PI4KA: variants seen among roughly 807,000 people sequenced by gnomAD.
PI4KA encodes phosphatidylinositol 4-kinase alpha, also known as PI4-kinase alpha.
PI4KA carries 122 observed loss-of-function variants against 271.4 expected under a neutral mutation model. The observed-to-expected ratio is 0.45, with a 90% CI of 0.39 to 0.52. The LOEUF is 0.52. Ranked by LOEUF, PI4KA falls within the 20% of genes least tolerant of loss-of-function variation. The pLI, the probability that PI4KA is intolerant of heterozygous loss-of-function variation, is 0.00. For missense variants in PI4KA, 1,969 were observed against 2,769.1 expected (o/e 0.71, Z 6.48); for synonymous variants, 1,041 against 1,078.8 (o/e 0.96, Z 0.69).
At chr22:20,720,500 C>T (rs539206036) in intron 43 of PI4KA, among the ~76,000 whole-genome samples, 2 of 152,112 alleles carry the variant, frequency 1.3e-5, no homozygotes, top group South Asian at 4.1e-4. Flanking sequence ...TGCAGTGAGC[C>T]GTGATTGCGC....
In PI4KA at chr22:20,815,357, G is replaced by A. The variant is rs951727294; in HGVS notation, c.857-1851C>T. Among the ~76,000 whole-genome samples the A allele has an allele frequency of 7.6e-5, 11 of 143,792 alleles. No individual in the cohort carries two copies. The South Asian group carries it at 2.4e-3, about 32-fold the overall frequency. The allele number at this position is 143,792 out of a possible 152,430, so 94.3% of individuals were successfully genotyped here. On this transcript the variant is annotated intron_variant, in intron 7 of 54. Transcript: ENST00000255882. ...GATTGCACCACTGCACTCCATTCTGGTGACAGTAGGAGACTGCGTCTCAAA... is the reference window on the plus strand; with the variant it reads ...GATTGCACCACTGCACTCCATTCTGATGACAGTAGGAGACTGCGTCTCAAA...
At chr22:20,831,093 G>A (rs165893) in intron 3 of PI4KA, among the ~76,000 whole-genome samples, 74,036 of 151,902 alleles carry the variant, frequency 0.49, 18,560 homozygotes, top group African/African-American at 0.59. Context: ...TTTCTGTAGT[G>A]GTTGGTAATA....
intron 40 of PI4KA, 38 bp from the exon 41 acceptor site, chr22:20,727,435 T>G (rs1927492252): frequency 1.3e-6 from 2 of 1,539,434 alleles, no homozygotes; most frequent in Admixed American, 4.3e-5. Context: ...GCTTGGGCAG[T>G]CCCGGGACCT....
intron 54 of PI4KA, among the ~76,000 whole-genome samples, chr22:20,709,090 G>A (rs1381978908): frequency 1.3e-5 from 2 of 151,190 alleles, no homozygotes; most frequent in African/African-American, 2.4e-5. Context: ...GGTGGGCCCG[G>A]CCTCTGCCAA....
chr22:20,801,942 C>T, intron 14 of PI4KA, 31 bp downstream of exon 14: 2 of 1,611,782 alleles, frequency 1.2e-6, no homozygotes, highest in East Asian at 2.2e-5. Context: ...TGGAGCACTG[C>T]TGTCTACTCG....
Position 20,753,126 on chromosome 22 carries a change from T to C in PI4KA, c.2846A>G (p.Asn949Ser), listed in dbSNP as rs139012517. ...VADKVFDAFLNMMADKAKTKE... is the reference protein window; with the variant it reads ...VADKVFDAFLSMMADKAKTKE... ...GAGGCTTACTTTATCCGCCATCATG[T>C]TCAGGAAGGCATCGAATACTTTGTC... is the stretch of plus-strand genomic sequence containing the variant. The change falls in exon 24 of 55, where the codon AAC becomes AGC. Residue 949 changes from asparagine to serine, a missense_variant. Coordinates refer to ENST00000255882, the MANE Select transcript of PI4KA (RefSeq NM_058004.4). The C allele has an allele frequency of 2.0e-5, 33 of 1,614,042 alleles. No homozygotes were observed. The African/African-American group carries it at 4.1e-4, about 20-fold the overall frequency.
intron 3 of PI4KA, among the ~76,000 whole-genome samples, chr22:20,830,957 G>A (rs1047585466): frequency 3.9e-5 from 6 of 152,176 alleles, no homozygotes; most frequent in African/African-American, 1.2e-4. Flanking sequence ...CTTTTTAGTG[G>A]AAACGGGGTT....
chr22:20,750,794 G>T (rs1009990217), intron 27 of PI4KA, among the ~76,000 whole-genome samples: 2 of 152,208 alleles, frequency 1.3e-5, no homozygotes, highest in Non-Finnish European at 2.9e-5. Context: ...CACAGTGAGG[G>T]CTCTGAGACC....
At chr22:20,771,770 C>T (rs1288915883) in intron 19 of PI4KA, among the ~76,000 whole-genome samples, 6 of 151,824 alleles carry the variant, frequency 4.0e-5, no homozygotes, top group Non-Finnish European at 5.9e-5. Flanking sequence ...TTAGTAGGGA[C>T]GGGGTTTTAC....
Position 20,729,449 on chromosome 22 carries a change from C to T in PI4KA, c.4546G>A (p.Glu1516Lys). Reference protein sequence around the residue: ...WYNPLSAPELELDQAGENSVA... With the variant: ...WYNPLSAPELKLDQAGENSVA... ...CTGTTCTCTCCGGCCTGGTCTAGTT[C>T]CAGTTCCGGGGCTGACAGCGGGTTG... Residue 1516 changes from glutamate (E) to lysine (K), a missense_variant, in exon 39 of 55, where the codon GAA becomes AAA. Glu to Lys is a moderately conservative substitution (Grantham distance 56, BLOSUM62 1). This residue lies in a region of PI4KA where 388 missense variants were observed against 521.5 expected (regional missense o/e 0.74). Transcript: ENST00000255882. The T allele has an allele frequency of 1.2e-6, 2 of 1,611,822 alleles. No individual in the cohort carries two copies. Among genetic ancestry groups the T allele is most frequent in the Non-Finnish European group, 1.7e-6 (2 of 1,178,868 alleles).
rs200593025 is a variant in PI4KA at position 20,720,574 on chromosome 22, C to T, written c.5116+724G>A. The stretch of plus-strand genomic sequence containing the variant: ...AAAAATAAAACAAAAGCTACCACTT[C>T]TCAAGTGTGGTGCAGTATCAAAAAG... On this transcript the variant is annotated intron_variant, in intron 43 of 54. Transcript: ENST00000255882. Among the ~76,000 whole-genome samples the T allele has an allele frequency of 1.8e-4, 28 of 152,300 alleles. No individual in the cohort carries two copies. The East Asian group carries it at 3.7e-3, about 20-fold the overall frequency.
chr22:20,773,809 G>A (rs1334327186), intron 19 of PI4KA: 1 of 152,420 alleles, frequency 6.6e-6, no homozygotes, highest in African/African-American at 2.4e-5. Flanking sequence ...ATGCAGCCTG[G>A]TCCCCAGAGG....
chr22:20,816,426 G>A (rs1470796730), intron 7 of PI4KA, among the ~76,000 whole-genome samples: 4 of 152,084 alleles, frequency 2.6e-5, no homozygotes, highest in Non-Finnish European at 5.9e-5. Flanking sequence ...ACATCTCCTG[G>A]CCTAAAAACA....
Position 20,747,488 on chromosome 22 carries a change from C to T in PI4KA, c.3363+95G>A, listed in dbSNP as rs537803357. 6.5e-5 allele frequency: 86 copies of T among 1,323,526 alleles called. No homozygotes were observed. The Middle Eastern group carries it at 7.5e-4, about 11-fold the overall frequency. 82.0% of individuals were successfully genotyped at this position (1,323,526 alleles called of 1,614,324 possible). On this transcript the variant is annotated intron_variant, in intron 29 of 54. Coordinates refer to ENST00000255882, the MANE Select transcript of PI4KA (RefSeq NM_058004.4). ...ACAGCACCCTGCATGTACTCATGTG[C>T]GTCATGAAAAGCGACAGCCGAGCTC...
chr22:20,856,780 G>A (rs1233368313), intron 1 of PI4KA, among the ~76,000 whole-genome samples: 1 of 152,202 alleles, frequency 6.6e-6, no homozygotes, highest in Non-Finnish European at 1.5e-5. Flanking sequence ...ACAAAGCTAA[G>A]AATGTTGCAA....
intron 32 of PI4KA, among the ~76,000 whole-genome samples, chr22:20,735,805 T>G (rs1275817094): frequency 6.6e-6 from 1 of 152,184 alleles, no homozygotes; most frequent in African/African-American, 2.4e-5. Context: ...GACGAGGCAC[T>G]AGAGCCTGCT....
At chr22:20,809,944 C>T (rs1414725171) in intron 9 of PI4KA, among the ~76,000 whole-genome samples, 1 of 152,120 alleles carries the variant, frequency 6.6e-6, no homozygotes, top group Admixed American at 6.5e-5. Flanking sequence ...GTAGTTCCTT[C>T]CCTGCTTCAT....
chr22:20,793,466 T>G lies in PI4KA; in HGVS notation c.2278-223A>C. ...AATAAACCATGGTTACATAAATGAT[T>G]ACATAAATCATGGTACTTCTGCATA... On this transcript the variant is annotated intron_variant, in intron 18 of 54. Coordinates refer to ENST00000255882, the MANE Select transcript of PI4KA (RefSeq NM_058004.4). 3 of 472,534 alleles carry G rather than the reference T, an allele frequency of 6.3e-6. No homozygotes were observed. In the South Asian group the frequency reaches 8.9e-5, roughly 14 times the overall value. 29.3% of individuals were successfully genotyped at this position (472,534 alleles called of 1,614,324 possible).
chr22:20,813,516 G>C lies in PI4KA; in HGVS notation c.857-10C>G. ...TCGGGCAAGCAGGAGGCTGGTGGGA[G>C]ATAAAGCTGGAAACTCAGCCGTGGT... On this transcript the variant is annotated splice_polypyrimidine_tract_variant and intron_variant, in intron 7 of 54. Coordinates refer to ENST00000255882, the MANE Select transcript of PI4KA (RefSeq NM_058004.4). The C allele has an allele frequency of 6.2e-7, 1 of 1,613,074 alleles. No homozygotes were observed. The highest frequency in any genetic ancestry group is 1.1e-5 in the South Asian group (1 of 90,928).
Sources: gnomAD v4.1 joint callset for allele counts (sites outside exome capture counted in the v4.1 genomes callset) on GRCh38, gnomAD v4.1.1 for gene constraint, gnomAD v4.1.1 regional missense constraint, MANE v1.5 for transcripts, NCBI Gene and HGNC (gene_info 2026-07-23, HGNC 2026-07-21) for gene names.